CADM2: variants seen among roughly 807,000 people sequenced by gnomAD.
CADM2 encodes the protein immunoglobulin superfamily member 4D.
Under a neutral mutation model 49.8 loss-of-function variants are expected in CADM2, and 12 were observed. The observed-to-expected ratio is 0.24, with a 90% CI of 0.15 to 0.39. CADM2 has a LOEUF of 0.39. Among genes scored for constraint, CADM2 ranks in the 10% least tolerant of loss-of-function variants. The probability of loss-of-function intolerance (pLI) is 1.00; values close to 1 mark genes in which losing one functional copy is unlikely to be tolerated. For synonymous variants in CADM2, 214 were observed against 175.4 expected (o/e 1.22, Z -1.74); for missense variants, 378 against 492.3 (o/e 0.77, Z 2.20).
At chr3:85,534,057 G>T (rs1486001855) in intron 1 of CADM2, among the ~76,000 whole-genome samples, 1 of 152,134 alleles carries the variant, frequency 6.6e-6, no homozygotes, top group South Asian at 2.1e-4. Flanking sequence ...TTACTCAGAT[G>T]TGTAGCATAT....
At chr3:85,844,773 T>C (rs1159926806) in intron 3 of CADM2, among the ~76,000 whole-genome samples, 1 of 152,174 alleles carries the variant, frequency 6.6e-6, no homozygotes, top group East Asian at 1.9e-4. Flanking sequence ...CACACACACA[T>C]ATTGCATTCG....
At chr3:85,236,794 G>A (rs975299512) in intron 1 of CADM2, among the ~76,000 whole-genome samples, 1 of 151,970 alleles carries the variant, frequency 6.6e-6, no homozygotes, top group African/African-American at 2.4e-5. Context: ...GATAGGGCTC[G>A]TATAAATGGA....
intron 2 of CADM2, among the ~76,000 whole-genome samples, chr3:85,798,054 T>C (rs1030075883): frequency 4.6e-5 from 7 of 152,224 alleles, no homozygotes; most frequent in African/African-American, 1.7e-4. Context: ...GATGCATAAA[T>C]GTCTTCTTTT....
chr3:85,021,224 G>A (rs748554084), intron 1 of CADM2, among the ~76,000 whole-genome samples: 5 of 151,616 alleles, frequency 3.3e-5, no homozygotes, highest in African/African-American at 9.7e-5. Flanking sequence ...AAATTTTGTC[G>A]TTTTTTAAAA....
intron 1 of CADM2, among the ~76,000 whole-genome samples, chr3:85,272,463 C>G (rs1189393482): frequency 6.6e-6 from 1 of 151,122 alleles, no homozygotes; most frequent in African/African-American, 2.4e-5. Flanking sequence ...AGAAAAGGCA[C>G]CTGTTTATAC....
intron 1 of CADM2, among the ~76,000 whole-genome samples, chr3:85,402,455 GT>G (rs201932171): frequency 0.012 from 1,759 of 151,392 alleles, 38 homozygotes; most frequent in African/African-American, 0.04. Context: ...TTTTGTCTTA[GT>G]TTTTTTTGTT....
intron 2 of CADM2, among the ~76,000 whole-genome samples, chr3:85,736,589 G>A (rs894559853): frequency 6.6e-6 from 1 of 152,164 alleles, no homozygotes; most frequent in Non-Finnish European, 1.5e-5. Flanking sequence ...TAGATAGGCA[G>A]CCCATGCAGT....
At chr3:85,840,425 A>G (rs2074593383) in intron 3 of CADM2, among the ~76,000 whole-genome samples, 1 of 151,838 alleles carries the variant, frequency 6.6e-6, no homozygotes, top group Admixed American at 6.6e-5. Context: ...TAGCCTTTTT[A>G]TTTGCATCAA....
intron 3 of CADM2, among the ~76,000 whole-genome samples, chr3:85,866,655 A>C (rs933486612): frequency 5.3e-5 from 8 of 152,106 alleles, no homozygotes; most frequent in African/African-American, 1.9e-4. Context: ...TTTTGAAGGA[A>C]TGTTTTAATT....
chr3:85,636,651 T>A (rs1487157384), intron 1 of CADM2, among the ~76,000 whole-genome samples: 1 of 152,208 alleles, frequency 6.6e-6, no homozygotes, highest in African/African-American at 2.4e-5. Flanking sequence ...CAGAGCAACA[T>A]CCTGTCCTGA....
chr3:85,817,317 G>A (rs1052978643), intron 3 of CADM2, among the ~76,000 whole-genome samples: 19 of 152,240 alleles, frequency 1.2e-4, no homozygotes, highest in Middle Eastern at 6.8e-3. Flanking sequence ...TTAGAAAGAA[G>A]GGTAGTAGTT....
At chr3:85,342,441 AATTT>A (rs1253374612) in intron 1 of CADM2, among the ~76,000 whole-genome samples, 10 of 152,228 alleles carry the variant, frequency 6.6e-5, no homozygotes, top group African/African-American at 2.4e-4. Context: ...ACATAATTTC[AATTT>A]ATTATTTAAT....
At chr3:85,205,894 A>C (rs905062217) in intron 1 of CADM2, among the ~76,000 whole-genome samples, 1 of 152,188 alleles carries the variant, frequency 6.6e-6, no homozygotes, top group African/African-American at 2.4e-5. Flanking sequence ...TCCATAGTAT[A>C]TAATTTTCTC....
intron 8 of CADM2, chr3:85,979,420 A>G (rs1188395987): frequency 8.6e-6 from 8 of 929,418 alleles, no homozygotes; most frequent in Admixed American, 2.6e-5. Flanking sequence ...ATTGCTATCA[A>G]TTAGGGTTAT....
At chr3:85,071,329 G>T (rs1050945413) in intron 1 of CADM2, among the ~76,000 whole-genome samples, 1 of 152,062 alleles carries the variant, frequency 6.6e-6, no homozygotes, top group Non-Finnish European at 1.5e-5. Context: ...AGGGATAGTT[G>T]TCAGGACTCA....
intron 8 of CADM2, among the ~76,000 whole-genome samples, chr3:86,046,878 A>G (rs1293025654): frequency 6.6e-6 from 1 of 151,840 alleles, no homozygotes; most frequent in Admixed American, 6.6e-5. Context: ...TAACTGACAA[A>G]ACATCTGTTA....
intron 1 of CADM2, among the ~76,000 whole-genome samples, chr3:85,020,319 A>G (rs1034554565): frequency 6.6e-6 from 1 of 152,200 alleles, no homozygotes; most frequent in African/African-American, 2.4e-5. Context: ...CTTTAGGATT[A>G]GATAAGAAAT....
intron 1 of CADM2, among the ~76,000 whole-genome samples, chr3:85,012,221 G>T (rs1305183735): frequency 4.0e-5 from 6 of 151,388 alleles, no homozygotes; most frequent in Non-Finnish European, 8.8e-5. Flanking sequence ...TAGTTGATGG[G>T]TACTTTGGCT....
intron 1 of CADM2, among the ~76,000 whole-genome samples, chr3:85,031,524 T>C (rs115612739): frequency 0.016 from 2,451 of 152,252 alleles, 32 homozygotes; most frequent in Middle Eastern, 0.024. Flanking sequence ...TCATTATTAT[T>C]ATTATTTTGA....
Sources: gnomAD v4.1 joint callset for allele counts (sites outside exome capture counted in the v4.1 genomes callset) on GRCh38, gnomAD v4.1.1 for gene constraint, MANE v1.5 for transcripts, NCBI Gene and HGNC (gene_info 2026-07-23, HGNC 2026-07-21) for gene names.